The following RNASEH2C variants were observed in gnomAD, a reference collection of about 807,000 sequenced individuals.
RNASEH2C encodes ribonuclease H2 subunit C, also known as RNase H1 small subunit.
Under a neutral mutation model 16.3 loss-of-function variants are expected in RNASEH2C, and 20 were observed. The observed-to-expected ratio is 1.23, with a 90% confidence interval of 0.86 to 1.79. The LOEUF (loss-of-function observed/expected upper bound fraction) is 1.79, where lower values mean the gene tolerates loss of function less well. RNASEH2C is among the 40% of genes most tolerant of loss of function. RNASEH2C has a pLI of 0.00. For synonymous variants in RNASEH2C, 106 were observed against 98.9 expected (o/e 1.07, Z -0.43); for missense variants, 296 against 235.9 (o/e 1.25, Z -1.67).
rs1042037322 is a variant in RNASEH2C at position 65,719,568 on chromosome 11, C to T, written c.*215G>A. On this transcript the variant is annotated 3_prime_UTR_variant, in exon 4 of 4. Transcript: ENST00000308418. ...GCAAAAATTTCTGGCTTCTCTTACC[C>T]CTATTGCCCCCGGCAATAAATTGTT... 7.8e-6 allele frequency: 5 copies of T among 641,894 alleles called. No homozygotes were observed. Among genetic ancestry groups the T allele is most frequent in the South Asian group, 5.4e-5 (3 of 55,084 alleles). 39.8% of individuals were successfully genotyped at this position (641,894 alleles called of 1,614,324 possible).
In RNASEH2C at chr11:65,717,784, G is replaced by A. The variant is rs904063777; in HGVS notation, c.*1999C>T. 2 of 152,494 alleles carry A rather than the reference G, an allele frequency of 1.3e-5. No homozygotes were observed. The highest frequency in any genetic ancestry group is 4.8e-5 in the African/African-American group (2 of 41,446). 9.4% of individuals were successfully genotyped at this position (152,494 alleles called of 1,614,324 possible). A position where few individuals can be genotyped will look rare whatever the true frequency, so the allele number is the denominator to read the frequency against. On this transcript the variant is annotated 3_prime_UTR_variant, in exon 4 of 4. Transcript: ENST00000308418. ...GGATGCTTGAAGAAACTCAGTCTTGGAACTCAGACAGCAATGGAGACGGGA... is the reference window on the plus strand; with the variant it reads ...GGATGCTTGAAGAAACTCAGTCTTGAAACTCAGACAGCAATGGAGACGGGA...
chr11:65,720,027 A>G lies in RNASEH2C; in HGVS notation c.468+18T>C, dbSNP rs774537118. On this transcript the variant is annotated intron_variant, in intron 3 of 3. Coordinates refer to ENST00000308418, the MANE Select transcript of RNASEH2C (RefSeq NM_032193.4). ...GCCCATCCACCCGGGGGCAAGACGG[A>G]ACTCCTCGTCTACTCACCGCTGCCG... is the stretch of plus-strand genomic sequence containing the variant. The G allele has an allele frequency of 7.4e-6, 12 of 1,612,482 alleles. No homozygotes were observed. The highest frequency in any genetic ancestry group is 8.5e-7 in the Non-Finnish European group (1 of 1,180,038).
Position 65,719,367 on chromosome 11 carries a change from C to T in RNASEH2C, c.*416G>A. 2 of 721,250 alleles carry T rather than the reference C, an allele frequency of 2.8e-6. No homozygotes were observed. Among genetic ancestry groups the T allele is most frequent in the Middle Eastern group, 4.0e-4 (1 of 2,528 alleles). The allele number at this position is 721,250 out of a possible 1,614,324, so 44.7% of individuals were successfully genotyped here. The stretch of plus-strand genomic sequence containing the variant: ...ACCAAGGCGAGCTCCGGGCTCAGAC[C>T]AACTCCAAGGTCAGCTGGCCACAGG... On this transcript the variant is annotated 3_prime_UTR_variant, in exon 4 of 4. Coordinates refer to ENST00000308418, the MANE Select transcript of RNASEH2C (RefSeq NM_032193.4).
At position 65,720,776 on chromosome 11, in the gene RNASEH2C, G is replaced by C; in HGVS notation, c.-18C>G. The C allele has an allele frequency of 6.4e-7, 1 of 1,571,478 alleles. No individual in the cohort carries two copies. On this transcript the variant is annotated 5_prime_UTR_variant, in exon 1 of 4. Transcript: ENST00000308418. ...CTCTCCATCCTCCCTCCTACGCGACGCCAGGGCTCGCGAGCTGACACTGAA... is the reference window on the plus strand; with the variant it reads ...CTCTCCATCCTCCCTCCTACGCGACCCCAGGGCTCGCGAGCTGACACTGAA...
At chr11:65,720,006 A>T in intron 3 of RNASEH2C, 39 bp downstream of exon 3, 1 of 1,611,224 alleles carries the variant, frequency 6.2e-7, no homozygotes, top group Non-Finnish European at 8.5e-7. Context: ...TCCCCAGCCC[A>T]TCCACCCGGG....
Position 65,719,340 on chromosome 11 carries a change from G to A in RNASEH2C, c.*443C>T. ...CCTGGCAGGGGCCCACTGGTGCCCA[G>A]CACCAAGGCGAGCTCCGGGCTCAGA... is the stretch of plus-strand genomic sequence containing the variant. On this transcript the variant is annotated 3_prime_UTR_variant, in exon 4 of 4. Coordinates refer to ENST00000308418, the MANE Select transcript of RNASEH2C (RefSeq NM_032193.4). 1 of 902,358 alleles carries A rather than the reference G, an allele frequency of 1.1e-6. No homozygotes were observed. The highest frequency in any genetic ancestry group is 1.6e-6 in the Non-Finnish European group (1 of 611,440). 55.9% of individuals were successfully genotyped at this position (902,358 alleles called of 1,614,324 possible).
Position 65,718,741 on chromosome 11 carries a change from C to A in RNASEH2C, c.*1042G>T. On this transcript the variant is annotated 3_prime_UTR_variant, in exon 4 of 4. Coordinates refer to ENST00000308418, the MANE Select transcript of RNASEH2C (RefSeq NM_032193.4). ...CGGAGAGCGGGGAGAGGCCACAGAT[C>A]ACCATCAAGTGAGCCTGGCGCTGTC... is the stretch of plus-strand genomic sequence containing the variant. The A allele has an allele frequency of 6.2e-7, 1 of 1,614,192 alleles. No homozygotes were observed. The highest frequency in any genetic ancestry group is 8.5e-7 in the Non-Finnish European group (1 of 1,180,030).
rs749881907 is a variant in RNASEH2C at position 65,718,848 on chromosome 11, G to C, written c.*935C>G. ...CTGGGGACAGATAAAGGTCCTCAGG[G>C]AACCTGACCTGTGCTCTCCCACAGT... On this transcript the variant is annotated 3_prime_UTR_variant, in exon 4 of 4. Transcript: ENST00000308418. The C allele has an allele frequency of 6.2e-7, 1 of 1,613,906 alleles. No individual in the cohort carries two copies. The highest frequency in any genetic ancestry group is 2.2e-5 in the East Asian group (1 of 44,884).
rs935637900 is a variant in RNASEH2C, at chr11:65,719,220, ACTGGGG to A, written c.*557_*562del. 1.9e-6 allele frequency: 3 copies of A among 1,605,790 alleles called. No individual in the cohort carries two copies. In the African/African-American group the frequency reaches 4.0e-5, roughly 21 times the overall value. On this transcript the variant is annotated 3_prime_UTR_variant, in exon 4 of 4. Coordinates refer to ENST00000308418, the MANE Select transcript of RNASEH2C (RefSeq NM_032193.4). The stretch of plus-strand genomic sequence containing the variant: ...ACTGCAGTGCCAAGACGGCAGCAGG[ACTGGGG>A]CTGATAGCCCACCCCGCCCCCACTG...
Position 65,718,984 on chromosome 11 carries a change from G to A in RNASEH2C, c.*799C>T. The A allele has an allele frequency of 6.2e-7, 1 of 1,614,114 alleles. No individual in the cohort carries two copies. Among genetic ancestry groups the A allele is most frequent in the Non-Finnish European group, 8.5e-7 (1 of 1,179,978 alleles). The stretch of plus-strand genomic sequence containing the variant: ...GGAGGCAGGCAGGGGAGACAGGTGT[G>A]TGGGATGCAGAGTGCAGTCCTCTGT... On this transcript the variant is annotated 3_prime_UTR_variant, in exon 4 of 4. Coordinates refer to ENST00000308418, the MANE Select transcript of RNASEH2C (RefSeq NM_032193.4).
At position 65,720,626 on chromosome 11, in the gene RNASEH2C, C is replaced by T. The variant is rs527618427; in HGVS notation, c.133G>A (p.Gly45Arg). 6.5e-5 allele frequency: 101 copies of T among 1,553,550 alleles called. No individual in the cohort carries two copies. In the South Asian group the frequency reaches 1.1e-3, roughly 17 times the overall value. The stretch of plus-strand genomic sequence containing the variant: ...CGGATGGCGGGCGTGAAGAAGCGCC[C>T]CACCGGGGCGGGCCCGTCCACCGCA... Reference protein sequence around the residue: ...EVAVDGPAPVGRFFTPAIRQG... With the variant: ...EVAVDGPAPVRRFFTPAIRQG... The change falls in exon 1 of 4, where the codon GGG becomes AGG. Residue 45 changes from glycine (G) to arginine (R), a missense_variant. Physicochemically the swap from Gly to Arg is moderately radical, Grantham distance 125 (BLOSUM62 -2). Transcript: ENST00000308418.
In RNASEH2C at chr11:65,719,324, G is replaced by A; in HGVS notation, c.*459C>T. The stretch of plus-strand genomic sequence containing the variant: ...AAAAGGAGAGGACAGGCCTGGCAGG[G>A]GCCCACTGGTGCCCAGCACCAAGGC... On this transcript the variant is annotated 3_prime_UTR_variant, in exon 4 of 4. Transcript: ENST00000308418. 3 of 1,048,520 alleles carry A rather than the reference G, an allele frequency of 2.9e-6. No homozygotes were observed. The highest frequency in any genetic ancestry group is 2.7e-6 in the Non-Finnish European group (2 of 741,962). 65.0% of individuals were successfully genotyped at this position (1,048,520 alleles called of 1,614,324 possible). A position where few individuals can be genotyped will look rare whatever the true frequency, so the allele number is the denominator to read the frequency against.
At position 65,719,356 on chromosome 11, in the gene RNASEH2C, C is replaced by T. The variant is rs964476996; in HGVS notation, c.*427G>A. On this transcript the variant is annotated 3_prime_UTR_variant, in exon 4 of 4. Transcript: ENST00000308418. ...TGGTGCCCAGCACCAAGGCGAGCTC[C>T]GGGCTCAGACCAACTCCAAGGTCAG... 23 of 783,236 alleles carry T rather than the reference C, an allele frequency of 2.9e-5. No homozygotes were observed. The highest frequency in any genetic ancestry group is 1.5e-4 in the Admixed American group (5 of 34,272). 48.5% of individuals were successfully genotyped at this position (783,236 alleles called of 1,614,324 possible).
Position 65,719,142 on chromosome 11 carries a change from C to T in RNASEH2C, c.*641G>A, listed in dbSNP as rs1161892220. The T allele has an allele frequency of 8.1e-6, 13 of 1,614,112 alleles. No individual in the cohort carries two copies. The East Asian group carries it at 2.5e-4, about 30-fold the overall frequency. On this transcript the variant is annotated 3_prime_UTR_variant, in exon 4 of 4. Coordinates refer to ENST00000308418, the MANE Select transcript of RNASEH2C (RefSeq NM_032193.4). ...TGCGGATCGACTCCAAGTGTCTGCACTTCACTCCCAAGGACTGGAGCAAGA... is the reference window on the plus strand; with the variant it reads ...TGCGGATCGACTCCAAGTGTCTGCATTTCACTCCCAAGGACTGGAGCAAGA...
rs997423938 is a variant in RNASEH2C, at chr11:65,718,500, A to C, written c.*1283T>G. ...AAGTGGCAGGGCCATGATAGGAACT[A>C]GGCAGCCTGCCTTGGCAACCTGTGT... On this transcript the variant is annotated 3_prime_UTR_variant, in exon 4 of 4. Coordinates refer to ENST00000308418, the MANE Select transcript of RNASEH2C (RefSeq NM_032193.4). The C allele has an allele frequency of 2.2e-6, 3 of 1,372,856 alleles. No homozygotes were observed. Among genetic ancestry groups the C allele is most frequent in the Non-Finnish European group, 3.0e-6 (3 of 988,478 alleles). The allele number at this position is 1,372,856 out of a possible 1,614,324, so 85.0% of individuals were successfully genotyped here. A position where few individuals can be genotyped will look rare whatever the true frequency, so the allele number is the denominator to read the frequency against.
chr11:65,718,275 G>C lies in RNASEH2C; in HGVS notation c.*1508C>G. On this transcript the variant is annotated 3_prime_UTR_variant, in exon 4 of 4. Coordinates refer to ENST00000308418, the MANE Select transcript of RNASEH2C (RefSeq NM_032193.4). Reference sequence around the variant, plus strand: ...CCGGGATGGCAAAGGAAAATTGGAGGCCCCTTCTTCCCATGAGCCATTTTC... The same window carrying C: ...CCGGGATGGCAAAGGAAAATTGGAGCCCCCTTCTTCCCATGAGCCATTTTC... 1 of 262,934 alleles carries C rather than the reference G, an allele frequency of 3.8e-6. No individual in the cohort carries two copies. The highest frequency in any genetic ancestry group is 7.3e-6 in the Non-Finnish European group (1 of 136,776). The allele number at this position is 262,934 out of a possible 1,614,324, so 16.3% of individuals were successfully genotyped here.
Position 65,719,731 on chromosome 11 carries a change from G to A in RNASEH2C, c.*52C>T, listed in dbSNP as rs377308428. 8.5e-5 allele frequency: 136 copies of A among 1,599,756 alleles called. No homozygotes were observed. Among genetic ancestry groups the A allele is most frequent in the Middle Eastern group, 1.8e-4 (1 of 5,588 alleles). ...GGGGTGATGGAATCGGTTCCAAAGA[G>A]CTGGTTTACTGCTGTGAAGGGATCG... is the stretch of plus-strand genomic sequence containing the variant. On this transcript the variant is annotated 3_prime_UTR_variant, in exon 4 of 4. Coordinates refer to ENST00000308418, the MANE Select transcript of RNASEH2C (RefSeq NM_032193.4).
chr11:65,720,222 A>C lies in RNASEH2C; in HGVS notation c.348+20T>G. 6.2e-7 allele frequency: 1 copy of C among 1,614,154 alleles called. No individual in the cohort carries two copies. The highest frequency in any genetic ancestry group is 8.5e-7 in the Non-Finnish European group (1 of 1,180,012). On this transcript the variant is annotated intron_variant, in intron 2 of 3. Coordinates refer to ENST00000308418, the MANE Select transcript of RNASEH2C (RefSeq NM_032193.4). ...ACAGCTCCCGCCCGCACCCCCTTTC[A>C]ACCCTATCCCTTTGCTCACGAAGTC...
In RNASEH2C at chr11:65,718,860, T is replaced by C; in HGVS notation, c.*923A>G. The C allele has an allele frequency of 6.2e-7, 1 of 1,614,104 alleles. No homozygotes were observed. Among genetic ancestry groups the C allele is most frequent in the African/African-American group, 1.3e-5 (1 of 75,056 alleles). On this transcript the variant is annotated 3_prime_UTR_variant, in exon 4 of 4. Coordinates refer to ENST00000308418, the MANE Select transcript of RNASEH2C (RefSeq NM_032193.4). ...AAAGGTCCTCAGGGAACCTGACCTG[T>C]GCTCTCCCACAGTGAGATTAGTGAA...
Sources: allele counts gnomAD v4.1 joint callset, GRCh38; gene constraint gnomAD v4.1.1; transcripts MANE v1.5; gene names NCBI Gene and HGNC (gene_info 2026-07-23, HGNC 2026-07-21).